Variants in GMEB1 observed in about 807,000 individuals in gnomAD.
GMEB1 encodes glucocorticoid modulatory element binding protein 1, also known as glucocorticoid modulatory element-binding protein 1.
GMEB1 carries 6 observed loss-of-function variants against 52.4 expected under a neutral mutation model. The observed-to-expected ratio is 0.11, with a 90% CI of 0.06 to 0.23. The LOEUF is 0.23. Ranked by LOEUF, GMEB1 falls within the 10% of genes least tolerant of loss-of-function variation. GMEB1 has a pLI of 1.00. For missense variants in GMEB1, 486 were observed against 685.6 expected (o/e 0.71, Z 3.25); for synonymous variants, 255 against 244.9 (o/e 1.04, Z -0.38).
chr1:28,683,065 A>G (rs1323491461), intron 1 of GMEB1, among the ~76,000 whole-genome samples: 1 of 152,060 alleles, frequency 6.6e-6, no homozygotes, highest in Admixed American at 6.6e-5. Flanking sequence ...GTACTAAGAA[A>G]ACCTATACTA....
chr1:28,684,991 G>A (rs1189557884), intron 2 of GMEB1, among the ~76,000 whole-genome samples: 1 of 151,984 alleles, frequency 6.6e-6, no homozygotes, highest in Non-Finnish European at 1.5e-5. Context: ...TAGAGATAGG[G>A]GTCTTGCTTT....
rs12138388 is a variant in GMEB1 at position 28,692,387 on chromosome 1, C to G, written c.337-555C>G. Among the ~76,000 whole-genome samples the G allele has an allele frequency of 6.7e-3, 1,013 of 152,076 alleles. 8 individuals carry two copies. Among genetic ancestry groups the G allele is most frequent in the Admixed American group, 0.02 (311 of 15,228 alleles). ...TCTCTACTAAAAATACAAAAATTAG[C>G]TGGACGTGGTATTGGGCGCCTATAA... On this transcript the variant is annotated intron_variant, in intron 4 of 9. Transcript: ENST00000373816.
At chr1:28,688,742 C>T (rs1415824861) in intron 2 of GMEB1, among the ~76,000 whole-genome samples, 2 of 151,760 alleles carry the variant, frequency 1.3e-5, no homozygotes, top group Middle Eastern at 3.2e-3. Flanking sequence ...CAAAATACAC[C>T]GTTTCCAGCA....
At position 28,708,952 on chromosome 1, in the gene GMEB1, A is replaced by G. The variant is rs1670914424; in HGVS notation, c.869-1568A>G. ...CAAGACCATCCTGGCTAACACGGTGAAACCCCATCTCTTCTAAAAAATGCA... is the reference window on the plus strand; with the variant it reads ...CAAGACCATCCTGGCTAACACGGTGGAACCCCATCTCTTCTAAAAAATGCA... On this transcript the variant is annotated intron_variant, in intron 8 of 9. Transcript: ENST00000373816. 2.0e-5 allele frequency among the ~76,000 whole-genome samples: 3 copies of G among 152,036 alleles called. No individual in the cohort carries two copies. In the South Asian group the frequency reaches 6.2e-4, roughly 32 times the overall value.
intron 1 of GMEB1, 51 bp downstream of exon 1, chr1:28,668,890 G>A (rs1406083491): frequency 7.6e-5 from 11 of 144,604 alleles, no homozygotes; most frequent in Non-Finnish European, 1.7e-4. Flanking sequence ...GTGGGGGCGG[G>A]GGGGCGGGCG....
At chr1:28,691,548 T>A in intron 3 of GMEB1, 37 bp from the exon 4 acceptor site, 1 of 1,444,350 alleles carries the variant, frequency 6.9e-7, no homozygotes, top group Non-Finnish European at 9.4e-7. Flanking sequence ...TGGGGAAGAG[T>A]TGTTTGATAA....
intron 1 of GMEB1, among the ~76,000 whole-genome samples, chr1:28,676,063 C>T (rs1669139637): frequency 6.6e-6 from 1 of 152,088 alleles, no homozygotes; most frequent in South Asian, 2.1e-4. Context: ...TCTCAGAAGG[C>T]TAGAGAAGAA....
chr1:28,691,215 T>G (rs1331655594), intron 3 of GMEB1, among the ~76,000 whole-genome samples: 1 of 151,958 alleles, frequency 6.6e-6, no homozygotes, highest in East Asian at 1.9e-4. Flanking sequence ...GGAGAATTGC[T>G]TGAACCCAGG....
At chr1:28,699,025 A>G (rs1037882698) in intron 6 of GMEB1, among the ~76,000 whole-genome samples, 1 of 152,192 alleles carries the variant, frequency 6.6e-6, no homozygotes, top group Non-Finnish European at 1.5e-5. Flanking sequence ...CTAGTGGTCA[A>G]CACAAGAGGT....
Position 28,714,205 on chromosome 1 carries a change from C to T in GMEB1, c.1124C>T (p.Pro375Leu), listed in dbSNP as rs375619357. The T allele has an allele frequency of 6.8e-6, 11 of 1,614,070 alleles. No individual in the cohort carries two copies. The African/African-American group carries it at 8.0e-5, about 12-fold the overall frequency. Residue 375 changes from proline to leucine, a missense_variant, in exon 10 of 10, where the codon CCA becomes CTA. Physicochemically the swap from Pro to Leu is moderately conservative, Grantham distance 98 (BLOSUM62 -3). Transcript: ENST00000373816. ...CCAAAAAGGCCCCGGCTCCAGCGGC[C>T]AGCCTCCACCACTGTCTTGAGCCCT... ...KPPKRPRLQR[P>L]ASTTVLSPSP...
chr1:28,710,655 T>C lies in GMEB1; in HGVS notation c.991+13T>C, dbSNP rs1043028937. The stretch of plus-strand genomic sequence containing the variant: ...TATACTCTGACAGGTATGTATAAGT[T>C]ATCGCTCTTCTTCGGTGATATCATG... On this transcript the variant is annotated intron_variant, in intron 9 of 9. Transcript: ENST00000373816. 1 of 1,527,936 alleles carries C rather than the reference T, an allele frequency of 6.5e-7. No homozygotes were observed. The highest frequency in any genetic ancestry group is 8.8e-7 in the Non-Finnish European group (1 of 1,137,804). 94.6% of individuals were successfully genotyped at this position (1,527,936 alleles called of 1,614,324 possible). A position where few individuals can be genotyped will look rare whatever the true frequency, so the allele number is the denominator to read the frequency against.
rs945151750 is a variant in GMEB1, at chr1:28,717,854, C to G, written c.*3081C>G. The G allele has an allele frequency of 6.6e-6, 1 of 152,158 alleles. No homozygotes were observed. Among genetic ancestry groups the G allele is most frequent in the Non-Finnish European group, 1.5e-5 (1 of 68,032 alleles). 9.4% of individuals were successfully genotyped at this position (152,158 alleles called of 1,614,324 possible). A position where few individuals can be genotyped will look rare whatever the true frequency, so the allele number is the denominator to read the frequency against. On this transcript the variant is annotated 3_prime_UTR_variant, in exon 10 of 10. Transcript: ENST00000373816. ...ATACCAACGTGCTAGCTCAGGTTCC[C>G]TTCTTTCCTCCATCAGAGCTATTGG... is the stretch of plus-strand genomic sequence containing the variant.
intron 1 of GMEB1, among the ~76,000 whole-genome samples, chr1:28,673,534 C>A (rs1375874168): frequency 6.6e-6 from 1 of 151,106 alleles, no homozygotes; most frequent in Non-Finnish European, 1.5e-5. Context: ...GGATTACAGG[C>A]GTGAGCCACT....
intron 1 of GMEB1, among the ~76,000 whole-genome samples, chr1:28,670,248 G>C (rs113503514): frequency 0.013 from 1,970 of 152,166 alleles, 18 homozygotes; most frequent in Middle Eastern, 0.027. Context: ...CGCCTCCTGG[G>C]TTCAAACGAT....
At chr1:28,686,954 C>T (rs1458474423) in intron 2 of GMEB1, among the ~76,000 whole-genome samples, 2 of 151,994 alleles carry the variant, frequency 1.3e-5, no homozygotes, top group Non-Finnish European at 2.9e-5. Context: ...CAAAACCCAA[C>T]GTACAGCTGG....
At chr1:28,712,776 G>T (rs1282140083) in intron 9 of GMEB1, among the ~76,000 whole-genome samples, 3 of 151,886 alleles carry the variant, frequency 2.0e-5, no homozygotes, top group Non-Finnish European at 4.4e-5. Context: ...GGCGGAGGTT[G>T]CAGTGAGCCA....
chr1:28,675,494 A>G (rs1191791588), intron 1 of GMEB1, among the ~76,000 whole-genome samples: 1 of 151,868 alleles, frequency 6.6e-6, no homozygotes, highest in Non-Finnish European at 1.5e-5. Flanking sequence ...AGCCTGGCCA[A>G]CGTGGTGAAA....
intron 1 of GMEB1, among the ~76,000 whole-genome samples, chr1:28,677,058 A>G (rs370936423): frequency 2.0e-5 from 3 of 152,214 alleles, no homozygotes; most frequent in African/African-American, 7.2e-5. Context: ...TGTCTCAAAA[A>G]TAAAAAAGAA....
At chr1:28,698,015 C>G (rs1183668634) in intron 6 of GMEB1, among the ~76,000 whole-genome samples, 2 of 152,078 alleles carry the variant, frequency 1.3e-5, no homozygotes, top group African/African-American at 4.8e-5. Flanking sequence ...TGGCGTGCAC[C>G]TGCAGTCCCA....
Sources: allele counts gnomAD v4.1 joint callset (sites outside exome capture counted in the v4.1 genomes callset), GRCh38; gene constraint gnomAD v4.1.1; transcripts MANE v1.5; gene names NCBI Gene and HGNC (gene_info 2026-07-23, HGNC 2026-07-21).